Variants in BTBD10 observed in about 807,000 individuals in gnomAD.
The protein encoded by BTBD10 is BTB domain containing 10, also known as BTB/POZ domain-containing protein 10.
In BTBD10, 21 loss-of-function variants were observed where a neutral mutation model predicts 53.2. The ratio of observed to expected loss-of-function variants is 0.39; its 90% CI spans 0.28 to 0.57. The LOEUF (loss-of-function observed/expected upper bound fraction) is 0.57, where lower values mean the gene tolerates loss of function less well. Among genes scored for constraint, BTBD10 ranks in the 20% least tolerant of loss-of-function variants. The pLI, the probability that BTBD10 is intolerant of heterozygous loss-of-function variation, is 0.53. For synonymous variants in BTBD10, 149 were observed against 192.7 expected (o/e 0.77, Z 1.88); for missense variants, 360 against 594.7 (o/e 0.61, Z 4.10).
chr11:13,455,572 A>AT (rs983184360), intron 1 of BTBD10, among the ~76,000 whole-genome samples: 2 of 152,136 alleles, frequency 1.3e-5, no homozygotes, highest in African/African-American at 2.4e-5. Context: ...CAAAAGGCAT[A>AT]TTTTTTTAAT....
At chr11:13,436,357 T>C (rs1565261166) in intron 2 of BTBD10, among the ~76,000 whole-genome samples, 1 of 152,168 alleles carries the variant, frequency 6.6e-6, no homozygotes, top group Non-Finnish European at 1.5e-5. Context: ...CATCCACCAG[T>C]ATGCTAGTAC....
intron 2 of BTBD10, among the ~76,000 whole-genome samples, chr11:13,423,966 C>A (rs1366204787): frequency 6.6e-6 from 1 of 152,084 alleles, no homozygotes; most frequent in Non-Finnish European, 1.5e-5. Context: ...ATCAATAGAA[C>A]ATAATCTTTT....
intron 1 of BTBD10, among the ~76,000 whole-genome samples, chr11:13,450,500 C>T (rs1950837782): frequency 6.6e-6 from 1 of 152,142 alleles, no homozygotes; most frequent in Admixed American, 6.5e-5. Flanking sequence ...GACTGTATCA[C>T]TAAAAACACA....
intron 2 of BTBD10, among the ~76,000 whole-genome samples, chr11:13,424,896 A>G (rs1184839305): frequency 2.0e-5 from 3 of 152,164 alleles, no homozygotes; most frequent in African/African-American, 7.2e-5. Context: ...GTAAACACAG[A>G]AAGGGGAAAC....
chr11:13,454,999 CT>C (rs1950933455), intron 1 of BTBD10, among the ~76,000 whole-genome samples: 2 of 152,326 alleles, frequency 1.3e-5, no homozygotes, highest in South Asian at 4.1e-4. Flanking sequence ...CAACCTCTGC[CT>C]CCCGGGTTCA....
At chr11:13,451,018 C>A (rs1950847202) in intron 1 of BTBD10, among the ~76,000 whole-genome samples, 1 of 152,050 alleles carries the variant, frequency 6.6e-6, no homozygotes, top group Non-Finnish European at 1.5e-5. Context: ...AACCAGGCAG[C>A]CACACAGCTC....
chr11:13,413,232 G>GGA (rs879890137), intron 6 of BTBD10, among the ~76,000 whole-genome samples: 23 of 152,010 alleles, frequency 1.5e-4, no homozygotes, highest in Non-Finnish European at 3.1e-4. Flanking sequence ...CCAAAGCCAA[G>GGA]GATCCAAATC....
intron 6 of BTBD10, among the ~76,000 whole-genome samples, chr11:13,410,540 C>T (rs1052339175): frequency 5.9e-5 from 9 of 152,046 alleles, no homozygotes; most frequent in African/African-American, 2.2e-4. Context: ...CAGGGAAATG[C>T]CTTTAAAGAC....
At position 13,445,009 on chromosome 11, in the gene BTBD10, A is replaced by C; in HGVS notation, c.101+15T>G. The C allele has an allele frequency of 6.3e-7, 1 of 1,583,726 alleles. No individual in the cohort carries two copies. The highest frequency in any genetic ancestry group is 1.7e-5 in the Admixed American group (1 of 59,812). On this transcript the variant is annotated intron_variant, in intron 2 of 8. Transcript: ENST00000278174. ...AGCAGAGCTTTCATATGCGAAATAC[A>C]TATTTTCTACCTACCTTGAATGTTT... is the stretch of plus-strand genomic sequence containing the variant.
chr11:13,445,479 T>C (rs1448919712), intron 1 of BTBD10, among the ~76,000 whole-genome samples: 1 of 152,170 alleles, frequency 6.6e-6, no homozygotes, highest in Admixed American at 6.6e-5. Context: ...TGTATCCAAA[T>C]ATCATTATGG....
At chr11:13,452,851 A>G (rs1404887963) in intron 1 of BTBD10, among the ~76,000 whole-genome samples, 7 of 152,256 alleles carry the variant, frequency 4.6e-5, no homozygotes, top group African/African-American at 1.7e-4. Flanking sequence ...GATACCTTAT[A>G]TAACACAGTG....
intron 4 of BTBD10, among the ~76,000 whole-genome samples, chr11:13,418,380 T>C (rs1209242881): frequency 6.6e-6 from 1 of 152,076 alleles, no homozygotes; most frequent in African/African-American, 2.4e-5. Context: ...CACATCAATA[T>C]GAACACTTTA....
chr11:13,388,918 T>C lies in BTBD10; in HGVS notation c.1341A>G (p.Pro447=), dbSNP rs748777196. The C allele has an allele frequency of 5.0e-6, 8 of 1,614,022 alleles. No homozygotes were observed. The highest frequency in any genetic ancestry group is 2.2e-5 in the South Asian group (2 of 91,086). ...GGAGAATATCCAGCTCATCCACTTG[T>C]GGAGTTGGATGCATGACTACCAGCT... The part of the protein sequence containing the change: ...QDQLVVMHPT[P]QVDELDILPI... The change falls in exon 9 of 9, where the codon CCA becomes CCG. Residue 447 remains proline (P), a synonymous_variant. Transcript: ENST00000278174.
Position 13,428,918 on chromosome 11 carries a change from G to A in BTBD10, c.102-7080C>T, listed in dbSNP as rs1950396571. ...TACTAGAACCAATGAGTTCAGCAAG[G>A]TTGCAGAATACAAAATCAGTATTTT... On this transcript the variant is annotated intron_variant, in intron 2 of 8. Coordinates refer to ENST00000278174, the MANE Select transcript of BTBD10 (RefSeq NM_032320.7). 2.0e-5 allele frequency among the ~76,000 whole-genome samples: 3 copies of A among 152,104 alleles called. No individual in the cohort carries two copies. In the South Asian group the frequency reaches 6.2e-4, roughly 31 times the overall value.
intron 1 of BTBD10, among the ~76,000 whole-genome samples, chr11:13,452,338 AT>A (rs1950878061): frequency 6.6e-6 from 1 of 152,190 alleles, no homozygotes; most frequent in African/African-American, 2.4e-5. Flanking sequence ...GCACAAAGTA[AT>A]TTTGGTGAGT....
Position 13,389,097 on chromosome 11 carries a change from G to A in BTBD10, c.1162C>T (p.Arg388Cys), listed in dbSNP as rs1949334979. ...KEKVKKRPGG[R>C]PEVIYNYVQR... ...ACATAGTTGTAGATCACTTCTGGGC[G>A]GCCTCCAGGCCTTTTCTTTACTTTT... The change falls in exon 9 of 9, where the codon CGC (arginine) becomes TGC (cysteine). Residue 388 changes from arginine to cysteine, a missense_variant. By Grantham distance (180) the Arg-to-Cys change is radical. Around this residue, in one of 6 missense-constraint regions of BTBD10, gnomAD observed 52 missense variants for 180.4 expected, o/e 0.29. Coordinates refer to ENST00000278174, the MANE Select transcript of BTBD10 (RefSeq NM_032320.7). 6.2e-7 allele frequency: 1 copy of A among 1,613,266 alleles called. No individual in the cohort carries two copies. Among genetic ancestry groups the A allele is most frequent in the Non-Finnish European group, 8.5e-7 (1 of 1,179,768 alleles).
At chr11:13,445,724 A>G (rs1849060854) in intron 1 of BTBD10, among the ~76,000 whole-genome samples, 1 of 152,204 alleles carries the variant, frequency 6.6e-6, no homozygotes, top group African/African-American at 2.4e-5. Context: ...GTTTCCTTAT[A>G]GTGCAATAAC....
intron 2 of BTBD10, among the ~76,000 whole-genome samples, chr11:13,437,614 C>G (rs1022057228): frequency 6.6e-6 from 1 of 152,140 alleles, no homozygotes; most frequent in African/African-American, 2.4e-5. Context: ...AATGACTTTA[C>G]CAAAAGCTAA....
chr11:13,408,479 C>T (rs1415292041), intron 6 of BTBD10, among the ~76,000 whole-genome samples: 1 of 152,208 alleles, frequency 6.6e-6, no homozygotes, highest in Non-Finnish European at 1.5e-5. Context: ...TATCCATATA[C>T]TGATGACTCC....
Sources: gnomAD v4.1 joint callset for allele counts (sites outside exome capture counted in the v4.1 genomes callset) on GRCh38, gnomAD v4.1.1 for gene constraint, gnomAD v4.1.1 regional missense constraint, MANE v1.5 for transcripts, NCBI Gene and HGNC (gene_info 2026-07-23, HGNC 2026-07-21) for gene names.